Variants in CCSER1 observed in about 807,000 individuals in gnomAD.
The protein encoded by CCSER1 is serine-rich coiled-coil domain-containing protein 1.
A neutral mutation model predicts 82.0 loss-of-function variants in CCSER1; 41 were observed. That is an observed-to-expected ratio of 0.50 (90% CI 0.39 to 0.65). The LOEUF (loss-of-function observed/expected upper bound fraction) is 0.65, where lower values mean the gene tolerates loss of function less well. Ranked by LOEUF, CCSER1 falls within the 30% of genes least tolerant of loss-of-function variation. The probability of loss-of-function intolerance (pLI) is 0.00; values close to 1 mark genes in which losing one functional copy is unlikely to be tolerated. For synonymous variants in CCSER1, 414 were observed against 383.9 expected, an observed-to-expected ratio of 1.08 and a Z score of -0.92; for missense variants, 1,119 against 1,064.2, an observed-to-expected ratio of 1.05 and a Z score of -0.72.
chr4:91,492,179 T>C (rs1221990628), intron 10 of CCSER1, among the ~76,000 whole-genome samples: 1 of 152,002 alleles, frequency 6.6e-6, no homozygotes, highest in African/African-American at 2.4e-5. Context: ...AGGACTACAT[T>C]ATAATGGCTG....
chr4:91,163,280 A>C (rs1040517315), intron 10 of CCSER1, among the ~76,000 whole-genome samples: 1 of 152,208 alleles, frequency 6.6e-6, no homozygotes, highest in Non-Finnish European at 1.5e-5. Context: ...GTTTGAGTAC[A>C]CTATGGTCTT....
chr4:90,470,777 AAAAAC>A (rs796237876), intron 5 of CCSER1, among the ~76,000 whole-genome samples: 21 of 150,884 alleles, frequency 1.4e-4, no homozygotes, highest in African/African-American at 3.9e-4. Context: ...AAAAAAAAAA[AAAAAC>A]AAAACACCCA....
At chr4:91,551,845 C>T (rs760429135) in intron 10 of CCSER1, among the ~76,000 whole-genome samples, 8 of 151,610 alleles carry the variant, frequency 5.3e-5, no homozygotes, top group Non-Finnish European at 1.2e-4. Flanking sequence ...AGATTTTGTT[C>T]CTGAAAATGA....
intron 9 of CCSER1, among the ~76,000 whole-genome samples, chr4:90,978,958 G>C (rs1326039795): frequency 3.3e-5 from 5 of 151,590 alleles, no homozygotes; most frequent in Admixed American, 3.3e-4. Context: ...ACAAGGTAAA[G>C]TGTCTCCCTA....
At chr4:91,061,376 G>T (rs773317444) in intron 9 of CCSER1, among the ~76,000 whole-genome samples, 1 of 151,902 alleles carries the variant, frequency 6.6e-6, no homozygotes, top group Non-Finnish European at 1.5e-5. Context: ...TAATCCGGTG[G>T]CTCCAGCTTT....
At chr4:90,838,648 C>T (rs1490314469) in intron 8 of CCSER1, among the ~76,000 whole-genome samples, 3 of 152,056 alleles carry the variant, frequency 2.0e-5, no homozygotes, top group Admixed American at 2.0e-4. Context: ...TCACTGTTGT[C>T]CCACCCCACT....
chr4:91,370,051 T>C lies in CCSER1; in HGVS notation c.2218-228521T>C, dbSNP rs568008746. ...CTATATGATACTTATTGTGGTTTCT[T>C]AAAATTGATACTAGTCTATTTAACC... On this transcript the variant is annotated intron_variant, in intron 10 of 10. Transcript: ENST00000509176. Among the ~76,000 whole-genome samples, 254 of 152,146 alleles carry C rather than the reference T, an allele frequency of 1.7e-3. 2 individuals are homozygous for C. The highest frequency in any genetic ancestry group is 5.4e-3 in the African/African-American group (223 of 41,526).
chr4:91,571,795 G>A (rs927936754), intron 10 of CCSER1, among the ~76,000 whole-genome samples: 5 of 152,276 alleles, frequency 3.3e-5, no homozygotes, highest in Middle Eastern at 3.4e-3. Context: ...GCCTAGGATG[G>A]AGGGTCTGTG....
At chr4:90,506,200 C>CAACATTAAGT (rs936107774) in intron 5 of CCSER1, among the ~76,000 whole-genome samples, 1 of 152,040 alleles carries the variant, frequency 6.6e-6, no homozygotes, top group Non-Finnish European at 1.5e-5. Context: ...AAATTTTTCC[C>CAACATTAAGT]AAAGGGATAA....
In CCSER1 at chr4:90,309,594, C is replaced by G. The variant is rs1734943673; in HGVS notation, c.1310C>G (p.Ala437Gly). The change falls in exon 2 of 11, where the codon GCA (alanine) becomes GGA (glycine). Residue 437 changes from alanine to glycine, a missense_variant. Ala to Gly is a moderately conservative substitution (Grantham distance 60). Transcript: ENST00000509176. ...IFNKTSHGYE[A>G]NPAKVLASSL... is the part of the protein sequence containing the mutation. ...AACAAAACATCACATGGATATGAAG[C>G]AAATCCTGCCAAAGGTATGCTGATT... is the stretch of plus-strand genomic sequence containing the variant. 2 of 1,578,768 alleles carry G rather than the reference C, an allele frequency of 1.3e-6. No individual in the cohort carries two copies. Among genetic ancestry groups the G allele is most frequent in the African/African-American group, 2.7e-5 (2 of 73,278 alleles).
At chr4:90,482,323 C>A (rs1207535842) in intron 5 of CCSER1, among the ~76,000 whole-genome samples, 5 of 152,114 alleles carry the variant, frequency 3.3e-5, no homozygotes, top group Admixed American at 6.5e-5. Context: ...AAAAAACCAG[C>A]TCCTGGATTC....
intron 10 of CCSER1, among the ~76,000 whole-genome samples, chr4:91,282,760 G>T (rs59829634): frequency 0.023 from 3,437 of 152,180 alleles, 134 homozygotes; most frequent in African/African-American, 0.076. Flanking sequence ...TAGAAGTAAG[G>T]TTCATTAAAA....
At chr4:90,254,197 T>C (rs1000183817) in intron 1 of CCSER1, among the ~76,000 whole-genome samples, 2 of 152,182 alleles carry the variant, frequency 1.3e-5, no homozygotes, top group Non-Finnish European at 2.9e-5. Context: ...GAACTTCCCA[T>C]GCCCTGTCCC....
intron 10 of CCSER1, among the ~76,000 whole-genome samples, chr4:91,455,916 G>T (rs776722521): frequency 6.6e-6 from 1 of 151,994 alleles, no homozygotes; most frequent in Non-Finnish European, 1.5e-5. Flanking sequence ...TGCAAACCTT[G>T]TTAAGAATGC....
At chr4:91,179,091 C>T (rs764829140) in intron 10 of CCSER1, among the ~76,000 whole-genome samples, 2 of 152,076 alleles carry the variant, frequency 1.3e-5, no homozygotes, top group Non-Finnish European at 2.9e-5. Flanking sequence ...AAATTCTGGG[C>T]TGAAAATTCT....
intron 10 of CCSER1, among the ~76,000 whole-genome samples, chr4:91,431,814 A>G (rs1379575853): frequency 1.3e-5 from 2 of 151,802 alleles, no homozygotes; most frequent in Non-Finnish European, 2.9e-5. Flanking sequence ...ATTGTCTAAC[A>G]CCTTGTTATT....
intron 8 of CCSER1, among the ~76,000 whole-genome samples, chr4:90,860,032 T>C (rs1366747760): frequency 1.3e-5 from 2 of 151,678 alleles, no homozygotes; most frequent in Non-Finnish European, 3.0e-5. Flanking sequence ...TTAAAAACTT[T>C]TTGGCATTAA....
intron 10 of CCSER1, among the ~76,000 whole-genome samples, chr4:91,578,987 A>T (rs1480014485): frequency 6.6e-6 from 1 of 151,740 alleles, no homozygotes; most frequent in Non-Finnish European, 1.5e-5. Context: ...TCATAGTTAA[A>T]ATCTGAGTTA....
intron 1 of CCSER1, among the ~76,000 whole-genome samples, chr4:90,219,076 C>T (rs1365326987): frequency 6.6e-6 from 1 of 151,998 alleles, no homozygotes; most frequent in African/African-American, 2.4e-5. Flanking sequence ...CTAATTCTGG[C>T]TTCAGGGCAA....
Sources: allele counts gnomAD v4.1 joint callset (sites outside exome capture counted in the v4.1 genomes callset), GRCh38; gene constraint gnomAD v4.1.1; transcripts MANE v1.5; gene names NCBI Gene and HGNC (gene_info 2026-07-23, HGNC 2026-07-21).